The following CCDC81 variants were observed in gnomAD, a reference collection of about 807,000 sequenced individuals.
CCDC81 encodes the protein coiled-coil domain-containing protein 81.
A neutral mutation model predicts 83.7 loss-of-function variants in CCDC81; 79 were observed. That is an observed-to-expected ratio of 0.94 (90% confidence interval 0.79 to 1.14). CCDC81 has a LOEUF of 1.14. Ranked by LOEUF, CCDC81 falls within the 50% of genes most tolerant of loss-of-function variation. CCDC81 has a pLI of 0.00. For missense variants in CCDC81, 791 were observed against 778.1 expected, an observed-to-expected ratio of 1.02 and a Z score of -0.20; for synonymous variants, 252 against 278.1, an observed-to-expected ratio of 0.91 and a Z score of 0.93.
At chr11:86,414,091 T>C (rs1198685139) in intron 11 of CCDC81, among the ~76,000 whole-genome samples, 1 of 152,218 alleles carries the variant, frequency 6.6e-6, no homozygotes. Context: ...TTTAATAGGA[T>C]AGGTAACTTA....
intron 1 of CCDC81, among the ~76,000 whole-genome samples, chr11:86,379,016 T>A (rs1459010166): frequency 1.3e-5 from 2 of 152,154 alleles, no homozygotes; most frequent in Non-Finnish European, 2.9e-5. Flanking sequence ...GTTTTCTACT[T>A]TTTGCCCTTG....
intron 4 of CCDC81, 123 bp downstream of exon 4, chr11:86,392,920 A>C (rs989774999): frequency 5.7e-6 from 6 of 1,050,490 alleles, no homozygotes; most frequent in Non-Finnish European, 8.1e-6. Flanking sequence ...CCTGAAGTAC[A>C]TGGAAGTGCT....
At chr11:86,384,018 T>C (rs931632249) in intron 1 of CCDC81, among the ~76,000 whole-genome samples, 5 of 152,182 alleles carry the variant, frequency 3.3e-5, no homozygotes, top group Admixed American at 1.3e-4. Flanking sequence ...GCTGAGTCTT[T>C]TCACTGGGGT....
At chr11:86,377,973 T>A (rs1948121328) in intron 1 of CCDC81, among the ~76,000 whole-genome samples, 1 of 139,642 alleles carries the variant, frequency 7.2e-6, no homozygotes, top group African/African-American at 2.7e-5. Flanking sequence ...AGGTTCTTTT[T>A]TTTTTTTTTT....
chr11:86,413,338 G>A (rs1448960878), intron 11 of CCDC81, among the ~76,000 whole-genome samples: 1 of 152,150 alleles, frequency 6.6e-6, no homozygotes, highest in African/African-American at 2.4e-5. Context: ...GGTGTGGCAG[G>A]CCAGGGTGGT....
chr11:86,408,300 A>G lies in CCDC81; in HGVS notation c.1113+30A>G, dbSNP rs77592703. 0.035 allele frequency: 56,045 copies of G among 1,584,174 alleles called. 1,148 individuals carry two copies. Among genetic ancestry groups the G allele is most frequent in the Admixed American group, 0.065 (3,587 of 55,050 alleles). On this transcript the variant is annotated intron_variant, in intron 9 of 14. Coordinates refer to ENST00000445632, the MANE Select transcript of CCDC81 (RefSeq NM_001156474.2). ...TCCAACACCTCGATTAGTCTTTAAT[A>G]TGGGGCAATAGAACATGATTATATA...
chr11:86,402,062 G>A (rs983589023), intron 7 of CCDC81, among the ~76,000 whole-genome samples: 21 of 150,092 alleles, frequency 1.4e-4, no homozygotes, highest in Admixed American at 4.6e-4. Context: ...GTGAACCCGG[G>A]AGGTGGAGGT....
chr11:86,409,055 TAA>T, intron 9 of CCDC81, among the ~76,000 whole-genome samples: 1 of 152,270 alleles, frequency 6.6e-6, no homozygotes, highest in Non-Finnish European at 1.5e-5. Flanking sequence ...TGGTGGTACC[TAA>T]AGGCCAAGAA....
intron 6 of CCDC81, among the ~76,000 whole-genome samples, chr11:86,398,812 A>G (rs1948444527): frequency 6.6e-6 from 1 of 152,156 alleles, no homozygotes; most frequent in South Asian, 2.1e-4. Flanking sequence ...ACTTCAGGTG[A>G]TCCGCCTGCC....
intron 13 of CCDC81, among the ~76,000 whole-genome samples, chr11:86,417,862 C>G (rs1159396379): frequency 1.3e-5 from 2 of 151,920 alleles, no homozygotes; most frequent in African/African-American, 4.8e-5. Flanking sequence ...ATTCTCATGC[C>G]TCAGCCTCAT....
chr11:86,382,569 G>A (rs1948190061), intron 1 of CCDC81, among the ~76,000 whole-genome samples: 1 of 152,168 alleles, frequency 6.6e-6, no homozygotes. Context: ...TATATAAGCA[G>A]GCAGTTGGAT....
intron 14 of CCDC81, among the ~76,000 whole-genome samples, chr11:86,420,269 C>T (rs759524125): frequency 2.6e-5 from 4 of 152,260 alleles, no homozygotes; most frequent in Admixed American, 6.5e-5. Context: ...ATTTACTAAC[C>T]GTGCTCTAAT....
chr11:86,420,702 T>C (rs1948778297), intron 14 of CCDC81, among the ~76,000 whole-genome samples: 1 of 152,238 alleles, frequency 6.6e-6, no homozygotes, highest in African/African-American at 2.4e-5. Context: ...CAGTTTTTAA[T>C]CATGGATAAA....
At chr11:86,413,848 G>A (rs1044696474) in intron 11 of CCDC81, among the ~76,000 whole-genome samples, 4 of 152,130 alleles carry the variant, frequency 2.6e-5, no homozygotes, top group East Asian at 1.9e-4. Context: ...CATGTAGAGC[G>A]GCTTTCCCTC....
intron 9 of CCDC81, among the ~76,000 whole-genome samples, chr11:86,408,693 T>C (rs1212986831): frequency 2.6e-5 from 4 of 152,210 alleles, no homozygotes; most frequent in Non-Finnish European, 5.9e-5. Context: ...CTGTGGGATA[T>C]CTAATCACGT....
At chr11:86,380,428 T>C (rs1948161438) in intron 1 of CCDC81, among the ~76,000 whole-genome samples, 2 of 152,298 alleles carry the variant, frequency 1.3e-5, no homozygotes, top group Admixed American at 6.5e-5. Flanking sequence ...TATTCCTAGG[T>C]ATCTTTTTTT....
At chr11:86,418,524 T>C (rs1402266428) in intron 13 of CCDC81, among the ~76,000 whole-genome samples, 2 of 152,208 alleles carry the variant, frequency 1.3e-5, no homozygotes, top group African/African-American at 4.8e-5. Flanking sequence ...TACAATGGAA[T>C]TGTTATTCAC....
intron 3 of CCDC81, among the ~76,000 whole-genome samples, chr11:86,391,364 A>T (rs1948327341): frequency 6.6e-6 from 1 of 152,216 alleles, no homozygotes; most frequent in African/African-American, 2.4e-5. Flanking sequence ...TTACTGAGTG[A>T]ATGTTTAGAA....
chr11:86,402,875 G>C (rs1356307909), intron 7 of CCDC81, among the ~76,000 whole-genome samples: 2 of 152,016 alleles, frequency 1.3e-5, no homozygotes, highest in Non-Finnish European at 2.9e-5. Context: ...ATCTCACTCT[G>C]TCACCAAGGC....
Sources: gnomAD v4.1 joint callset for allele counts (sites outside exome capture counted in the v4.1 genomes callset) on GRCh38, gnomAD v4.1.1 for gene constraint, MANE v1.5 for transcripts, NCBI Gene and HGNC (gene_info 2026-07-23, HGNC 2026-07-21) for gene names.